Variants in CDH17 observed in about 807,000 individuals in gnomAD.
CDH17 encodes the protein cadherin 17, also known as cadherin-17.
CDH17 carries 67 observed loss-of-function variants against 86.3 expected under a neutral mutation model. That is an observed-to-expected ratio of 0.78 (90% CI 0.64 to 0.95). The LOEUF is 0.95. Ranked by LOEUF, CDH17 falls within the 40% of genes least tolerant of loss-of-function variation. The pLI, the probability that CDH17 is intolerant of heterozygous loss-of-function variation, is 0.00. For missense variants in CDH17, 993 were observed against 1,017.6 expected (o/e 0.98, Z 0.33); for synonymous variants, 367 against 366.4 (o/e 1.00, Z -0.02).
Position 94,128,209 on chromosome 8 carries a change from G to C in CDH17, c.*31C>G, listed in dbSNP as rs1444907365. On this transcript the variant is annotated 3_prime_UTR_variant, in exon 18 of 18. Coordinates refer to ENST00000027335, the MANE Select transcript of CDH17 (RefSeq NM_004063.4). ...GATGGTTGTTGCTGAAATAGCACTT[G>C]CTATATAAATTCAAACATTCCTTTT... 7 of 1,374,986 alleles carry C rather than the reference G, an allele frequency of 5.1e-6. No individual in the cohort carries two copies. Among genetic ancestry groups the C allele is most frequent in the Non-Finnish European group, 6.2e-6 (6 of 964,722 alleles). The allele number at this position is 1,374,986 out of a possible 1,614,324, so 85.2% of individuals were successfully genotyped here.
intron 9 of CDH17, among the ~76,000 whole-genome samples, chr8:94,167,800 C>T (rs1472917241): frequency 6.6e-6 from 1 of 151,902 alleles, no homozygotes; most frequent in Non-Finnish European, 1.5e-5. Flanking sequence ...CAGAGGACAC[C>T]CCTCGCTGGG....
rs376893798 is a variant in CDH17 at position 94,170,866 on chromosome 8, T to A, written c.903A>T (p.Glu301Asp). ...CTCTTTTACTCACTGCATCCTTTTC[T>A]TCTCGGTCCAAGGGCTGAGTCACGT... ...DIYVTQPLDREEKDAYVFYAV... is the reference protein window; with the variant it reads ...DIYVTQPLDRDEKDAYVFYAV... The change falls in exon 8 of 18, where the codon GAA (glutamate) becomes GAT (aspartate). Residue 301 changes from glutamate (E) to aspartate (D), a missense_variant. By Grantham distance (45) the Glu-to-Asp change is conservative (BLOSUM62 2). Coordinates refer to ENST00000027335, the MANE Select transcript of CDH17 (RefSeq NM_004063.4). 2.5e-5 allele frequency: 40 copies of A among 1,613,636 alleles called. No homozygotes were observed. Among genetic ancestry groups the A allele is most frequent in the Non-Finnish European group, 3.3e-5 (39 of 1,179,808 alleles).
intron 15 of CDH17, among the ~76,000 whole-genome samples, chr8:94,138,490 G>A (rs1342853634): frequency 6.6e-6 from 1 of 152,176 alleles, no homozygotes; most frequent in East Asian, 1.9e-4. Flanking sequence ...CCTGAGTTGA[G>A]GTGATGGAGC....
chr8:94,168,097 A>AAAATATAT (rs1761906855), intron 9 of CDH17, among the ~76,000 whole-genome samples: 1 of 50,658 alleles, frequency 2.0e-5, no homozygotes, highest in African/African-American at 1.1e-4. Context: ...TACACTGGGG[A>AAAATATAT]ATATATATAT....
At chr8:94,166,001 C>A in intron 9 of CDH17, 25 bp from the exon 10 acceptor site, 1 of 1,401,784 alleles carries the variant, frequency 7.1e-7, no homozygotes, top group African/African-American at 1.4e-5. Context: ...AGAAGGAAAA[C>A]CCACCATTAC....
intron 1 of CDH17, among the ~76,000 whole-genome samples, chr8:94,197,960 C>T (rs1813819880): frequency 6.6e-6 from 1 of 151,900 alleles, no homozygotes; most frequent in Admixed American, 6.6e-5. Flanking sequence ...AGCAATTTGC[C>T]TAAAGACATA....
intron 3 of CDH17, among the ~76,000 whole-genome samples, chr8:94,181,503 T>C (rs185957270): frequency 7.2e-5 from 11 of 151,842 alleles, no homozygotes; most frequent in African/African-American, 2.2e-4. Context: ...TTTGGGAAAA[T>C]CACTAATATG....
rs1813199446 is a variant in CDH17, at chr8:94,168,143, T to TATATATAC, written c.1067-2168_1067-2167insGTATATAT. Among the ~76,000 whole-genome samples the TATATATAC allele has an allele frequency of 2.8e-4, 28 of 101,570 alleles. 1 individual carries two copies. The highest frequency in any genetic ancestry group is 1.6e-3 in the African/African-American group (28 of 17,098). 66.6% of individuals were successfully genotyped at this position (101,570 alleles called of 152,430 possible). A position where few individuals can be genotyped will look rare whatever the true frequency, so the allele number is the denominator to read the frequency against. ...ATATATATATATATATATATATATA[T>TATATATAC]ATATATATATATATTTGTGTGTGTG... On this transcript the variant is annotated intron_variant, in intron 9 of 17. Transcript: ENST00000027335.
chr8:94,172,250 C>G (rs914984093), intron 7 of CDH17, among the ~76,000 whole-genome samples: 1 of 151,944 alleles, frequency 6.6e-6, no homozygotes, highest in Non-Finnish European at 1.5e-5. Flanking sequence ...ATCAGAAATT[C>G]TCATGGTAAT....
intron 15 of CDH17, among the ~76,000 whole-genome samples, chr8:94,137,260 T>C (rs567912119): frequency 2.8e-4 from 42 of 152,348 alleles, no homozygotes; most frequent in Non-Finnish European, 5.3e-4. Context: ...ATGGAGTCTA[T>C]AGAGGCAGTA....
intron 15 of CDH17, among the ~76,000 whole-genome samples, chr8:94,141,005 TTCC>T (rs963146270): frequency 2.5e-4 from 38 of 152,256 alleles, no homozygotes; most frequent in African/African-American, 8.4e-4. Flanking sequence ...GGTGGAATGC[TTCC>T]TCATTATACA....
At chr8:94,156,351 G>C (rs1812949051) in intron 12 of CDH17, among the ~76,000 whole-genome samples, 1 of 152,156 alleles carries the variant, frequency 6.6e-6, no homozygotes, top group African/African-American at 2.4e-5. Flanking sequence ...GAATTCAAAA[G>C]GATCAGCCAT....
intron 9 of CDH17, among the ~76,000 whole-genome samples, chr8:94,168,805 T>A (rs911672004): frequency 1.5e-4 from 23 of 152,136 alleles, no homozygotes; most frequent in African/African-American, 5.3e-4. Context: ...TTTGTGCTTT[T>A]TCAGAACCCC....
At chr8:94,145,385 C>A (rs1390787755) in intron 15 of CDH17, among the ~76,000 whole-genome samples, 1 of 152,080 alleles carries the variant, frequency 6.6e-6, no homozygotes, top group Non-Finnish European at 1.5e-5. Flanking sequence ...AATATACATA[C>A]TATACTATTC....
intron 15 of CDH17, among the ~76,000 whole-genome samples, chr8:94,134,215 G>A (rs988192667): frequency 6.6e-6 from 1 of 152,198 alleles, no homozygotes; most frequent in African/African-American, 2.4e-5. Flanking sequence ...GATTGAAATA[G>A]TTTCAGAAGG....
At chr8:94,177,761 A>C in intron 3 of CDH17, 40 bp from the exon 4 acceptor site, 1 of 1,600,210 alleles carries the variant, frequency 6.2e-7, no homozygotes, top group Non-Finnish European at 8.5e-7. Flanking sequence ...TGTAAGGGAA[A>C]AAACAATGTT....
intron 1 of CDH17, among the ~76,000 whole-genome samples, chr8:94,195,025 G>T (rs568496489): frequency 2.0e-5 from 3 of 152,238 alleles, no homozygotes; most frequent in South Asian, 4.1e-4. Flanking sequence ...TTTTGGAAAC[G>T]CAGTCTCACT....
chr8:94,187,439 G>C (rs1207394940), intron 3 of CDH17, among the ~76,000 whole-genome samples: 1 of 152,136 alleles, frequency 6.6e-6, no homozygotes. Flanking sequence ...AGAGCAGCTG[G>C]TATATATAGT....
chr8:94,189,639 C>G (rs1304645925), intron 2 of CDH17, among the ~76,000 whole-genome samples: 1 of 152,224 alleles, frequency 6.6e-6, no homozygotes, highest in Non-Finnish European at 1.5e-5. Flanking sequence ...CAATCCCACA[C>G]TGTCTTCTAA....
Sources: gnomAD v4.1 joint callset for allele counts (sites outside exome capture counted in the v4.1 genomes callset) on GRCh38, gnomAD v4.1.1 for gene constraint, MANE v1.5 for transcripts, NCBI Gene and HGNC (gene_info 2026-07-23, HGNC 2026-07-21) for gene names.